RARB: variants seen among roughly 807,000 people sequenced by gnomAD.
RARB encodes the protein retinoic acid receptor beta.
A neutral mutation model predicts 51.9 loss-of-function variants in RARB; 17 were observed. The observed-to-expected ratio is 0.33, with a 90% CI of 0.22 to 0.49. RARB has a LOEUF of 0.49. Ranked by LOEUF, RARB falls within the 20% of genes least tolerant of loss-of-function variation. The pLI is 0.99. For missense variants in RARB, 369 were observed against 550.8 expected, an observed-to-expected ratio of 0.67 and a Z score of 3.30; for synonymous variants, 215 against 195.4, an observed-to-expected ratio of 1.10 and a Z score of -0.84.
chr3:24,888,790 A>G (rs1273696801), intron 2 of RARB, among the ~76,000 whole-genome samples: 1 of 152,220 alleles, frequency 6.6e-6, no homozygotes, highest in African/African-American at 2.4e-5. Context: ...AGAGGTGCCC[A>G]TATTCTTGTT....
At chr3:25,194,537 T>C (rs1026362173) in intron 5 of RARB, among the ~76,000 whole-genome samples, 2 of 150,552 alleles carry the variant, frequency 1.3e-5, no homozygotes, top group Non-Finnish European at 3.0e-5. Context: ...ATATATATAA[T>C]GTATATATCA....
chr3:25,542,406 G>A (rs530904836), intron 3 of RARB, among the ~76,000 whole-genome samples: 4 of 152,294 alleles, frequency 2.6e-5, no homozygotes, highest in African/African-American at 9.6e-5. Flanking sequence ...AACCCAATGG[G>A]GTAGAGGTAA....
intron 5 of RARB, among the ~76,000 whole-genome samples, chr3:25,187,687 A>C (rs1308562646): frequency 6.6e-6 from 1 of 152,116 alleles, no homozygotes; most frequent in Non-Finnish European, 1.5e-5. Flanking sequence ...CACAGATTTA[A>C]AAGATTTCTG....
chr3:25,591,447 G>T (rs956752054), intron 5 of RARB, among the ~76,000 whole-genome samples: 2 of 152,234 alleles, frequency 1.3e-5, no homozygotes, highest in African/African-American at 4.8e-5. Context: ...TAACCTTAGA[G>T]AGGTGTCTAG....
chr3:24,933,501 C>A (rs73137245), intron 2 of RARB, among the ~76,000 whole-genome samples: 2 of 152,008 alleles, frequency 1.3e-5, no homozygotes, highest in African/African-American at 4.8e-5. Context: ...TAGTGACTCT[C>A]GCCCTTCAGA....
chr3:25,209,162 G>A (rs570533818), intron 5 of RARB, among the ~76,000 whole-genome samples: 1 of 152,282 alleles, frequency 6.6e-6, no homozygotes, highest in South Asian at 2.1e-4. Context: ...GTTTTCATGG[G>A]TCCCAACCAG....
intron 5 of RARB, among the ~76,000 whole-genome samples, chr3:25,243,337 A>G (rs1702477498): frequency 6.6e-6 from 1 of 152,264 alleles, no homozygotes; most frequent in Non-Finnish European, 1.5e-5. Context: ...CAGAACTTTC[A>G]ATACTGTGTT....
intron 2 of RARB, among the ~76,000 whole-genome samples, chr3:25,053,252 A>G (rs1387858830): frequency 2.6e-5 from 4 of 152,130 alleles, no homozygotes; most frequent in Non-Finnish European, 2.9e-5. Context: ...TCATACAATC[A>G]CATTAAACAA....
At chr3:24,960,108 C>T (rs563263902) in intron 2 of RARB, among the ~76,000 whole-genome samples, 1 of 152,264 alleles carries the variant, frequency 6.6e-6, no homozygotes, top group Non-Finnish European at 1.5e-5. Context: ...CTTCTAGTTT[C>T]TCCTATAATG....
intron 5 of RARB, among the ~76,000 whole-genome samples, chr3:25,239,006 G>A (rs1702368715): frequency 6.6e-6 from 1 of 152,082 alleles, no homozygotes; most frequent in African/African-American, 2.4e-5. Flanking sequence ...ATGATAACTG[G>A]GGTAGGATGA....
At chr3:25,495,929 A>G (rs550802897) in intron 2 of RARB, among the ~76,000 whole-genome samples, 2 of 152,328 alleles carry the variant, frequency 1.3e-5, no homozygotes, top group South Asian at 2.1e-4. Flanking sequence ...AGAAGCTATG[A>G]TGTATAACAA....
chr3:24,924,441 G>A (rs545119044), intron 2 of RARB, among the ~76,000 whole-genome samples: 2 of 152,280 alleles, frequency 1.3e-5, no homozygotes, highest in African/African-American at 4.8e-5. Context: ...GTGCTCCTCA[G>A]TATGGTAGCC....
chr3:25,315,267 A>C (rs987310545), intron 5 of RARB, among the ~76,000 whole-genome samples: 1 of 151,980 alleles, frequency 6.6e-6, no homozygotes, highest in African/African-American at 2.4e-5. Context: ...CCTCAGCTCA[A>C]CTCCCCCTAA....
At chr3:25,435,247 C>T (rs1321203173) in intron 1 of RARB, among the ~76,000 whole-genome samples, 1 of 151,996 alleles carries the variant, frequency 6.6e-6, no homozygotes, top group Non-Finnish European at 1.5e-5. Flanking sequence ...AAAATTTTGT[C>T]AAGTCAAAAA....
At chr3:25,500,612 G>A (rs1405441286) in intron 2 of RARB, among the ~76,000 whole-genome samples, 1 of 151,606 alleles carries the variant, frequency 6.6e-6, no homozygotes, top group Non-Finnish European at 1.5e-5. Flanking sequence ...CCCAAGGGCT[G>A]GGATTACAGG....
intron 5 of RARB, among the ~76,000 whole-genome samples, chr3:25,394,447 T>G (rs1292122208): frequency 2.0e-5 from 3 of 152,184 alleles, no homozygotes; most frequent in East Asian, 1.9e-4. Context: ...GTCCACTGTT[T>G]CTTTGTTGAC....
At chr3:25,308,870 G>A (rs756799524) in intron 5 of RARB, among the ~76,000 whole-genome samples, 13 of 152,178 alleles carry the variant, frequency 8.5e-5, no homozygotes, top group Middle Eastern at 3.4e-3. Context: ...ATCTGTCACC[G>A]GGCACTAACA....
intron 1 of RARB, among the ~76,000 whole-genome samples, chr3:24,838,129 C>T (rs750928870): frequency 6.6e-6 from 1 of 152,164 alleles, no homozygotes; most frequent in African/African-American, 2.4e-5. Context: ...GGATCATTCT[C>T]AACTTTTAGA....
Position 25,149,764 on chromosome 3 carries a change from A to G in RARB, c.-280+17556A>G, listed in dbSNP as rs114087498. Among the ~76,000 whole-genome samples the G allele has an allele frequency of 1.7e-3, 263 of 152,312 alleles. 3 individuals are homozygous for G. The highest frequency in any genetic ancestry group is 6.1e-3 in the African/African-American group (255 of 41,564). ...CCTCCCCTCTCCCCATCTTTGTTAA[A>G]TGAAGAAGGTCTCCATTTGCATGTC... On this transcript the variant is annotated intron_variant, in intron 4 of 11. Transcript: ENST00000383772.
Sources: allele counts gnomAD v4.1 joint callset (sites outside exome capture counted in the v4.1 genomes callset), GRCh38; gene constraint gnomAD v4.1.1; transcripts MANE v1.5; gene names NCBI Gene and HGNC (gene_info 2026-07-23, HGNC 2026-07-21).